TPTE: variants seen among roughly 807,000 people sequenced by gnomAD.
TPTE encodes putative tyrosine-protein phosphatase TPTE.
In TPTE, 59 loss-of-function variants were observed where a neutral mutation model predicts 84.1. The observed-to-expected ratio is 0.70, with a 90% CI of 0.57 to 0.87. TPTE has a LOEUF of 0.87. TPTE is among the 40% of genes least tolerant of loss of function. The pLI is 0.00. For synonymous variants in TPTE, 130 were observed against 223.5 expected, an observed-to-expected ratio of 0.58 and a Z score of 3.73; for missense variants, 382 against 659.6, an observed-to-expected ratio of 0.58 and a Z score of 4.61.
At chr21:10,576,779 G>A (rs1328904201) in intron 14 of TPTE, among the ~76,000 whole-genome samples, 2 of 151,884 alleles carry the variant, frequency 1.3e-5, no homozygotes, top group Non-Finnish European at 2.9e-5. Context: ...TAGTGGTATT[G>A]ATTGTATTTT....
At chr21:10,600,107 AT>A (rs1284058924) in intron 21 of TPTE, among the ~76,000 whole-genome samples, 1 of 100,552 alleles carries the variant, frequency 9.9e-6, no homozygotes, top group Admixed American at 9.2e-5. Flanking sequence ...GCCCGACATT[AT>A]TTGTTGTTGT....
At chr21:10,535,205 A>T (rs1179402762) in intron 3 of TPTE, among the ~76,000 whole-genome samples, 1 of 152,302 alleles carries the variant, frequency 6.6e-6, no homozygotes, top group Non-Finnish European at 1.5e-5. Context: ...ATATGCTTTT[A>T]TAATTCCCCA....
chr21:10,584,296 T>G (rs2075322460), intron 17 of TPTE, among the ~76,000 whole-genome samples: 1 of 152,310 alleles, frequency 6.6e-6, no homozygotes, highest in African/African-American at 2.4e-5. Flanking sequence ...TGCAGTTCAT[T>G]TTATTTATTA....
intron 19 of TPTE, among the ~76,000 whole-genome samples, chr21:10,593,533 A>T: frequency 6.6e-6 from 1 of 152,428 alleles, no homozygotes. Context: ...CAGGATGTTT[A>T]TCCTATAGCA....
At position 10,542,425 on chromosome 21, in the gene TPTE, C is replaced by T. The variant is rs571891150; in HGVS notation, c.96C>T (p.Thr32=). 4.2e-5 allele frequency: 68 copies of T among 1,611,766 alleles called. No individual in the cohort carries two copies. In the East Asian group the frequency reaches 6.0e-4, roughly 14 times the overall value. ...SPQTSEFKGA[T]EEAPAKESPH... is the part of the protein sequence containing the mutation. ...AGACAAGTGAATTTAAAGGAGCAAC[C>T]GAGGAGGCACCTGCGAAAGAAAGGT... Residue 32 remains threonine, a synonymous_variant, in exon 6 of 24, where the codon ACC becomes ACT. Coordinates refer to ENST00000618007, the MANE Select transcript of TPTE (RefSeq NM_199261.4).
At chr21:10,597,517 C>A (rs1485030605) in intron 20 of TPTE, among the ~76,000 whole-genome samples, 1 of 152,182 alleles carries the variant, frequency 6.6e-6, no homozygotes, top group Non-Finnish European at 1.5e-5. Flanking sequence ...CGGGTTCAAG[C>A]AATTCTCCTG....
At chr21:10,560,502 C>T (rs1266688973) in intron 9 of TPTE, among the ~76,000 whole-genome samples, 2 of 152,312 alleles carry the variant, frequency 1.3e-5, no homozygotes, top group African/African-American at 2.4e-5. Context: ...GACTCATGTG[C>T]CCATCACTCT....
intron 6 of TPTE, 82 bp downstream of exon 6, chr21:10,542,530 C>A (rs1262458127): frequency 7.8e-7 from 1 of 1,282,458 alleles, no homozygotes; most frequent in Non-Finnish European, 1.1e-6. Flanking sequence ...GCAAGTATAC[C>A]CCATCCATCC....
intron 15 of TPTE, among the ~76,000 whole-genome samples, chr21:10,578,075 T>C (rs2075195426): frequency 6.6e-6 from 1 of 152,430 alleles, no homozygotes; most frequent in South Asian, 2.1e-4. Context: ...TGAAATAATA[T>C]AATGAATAGT....
intron 3 of TPTE, among the ~76,000 whole-genome samples, chr21:10,529,280 T>C (rs1237115282): frequency 5.9e-5 from 9 of 152,306 alleles, no homozygotes; most frequent in African/African-American, 2.2e-4. Context: ...AAAAGTTCAT[T>C]TGAAGGATAA....
At chr21:10,537,677 CAA>C (rs58515233) in intron 3 of TPTE, among the ~76,000 whole-genome samples, 130 of 109,688 alleles carry the variant, frequency 1.2e-3, no homozygotes, top group African/African-American at 2.2e-3. Context: ...GACTCCCCCT[CAA>C]AAAAAAAAAA....
At chr21:10,567,108 A>AAG in intron 10 of TPTE, among the ~76,000 whole-genome samples, 1 of 36,262 alleles carries the variant, frequency 2.8e-5, no homozygotes, top group African/African-American at 1.7e-4. Flanking sequence ...ATGGGGCTCT[A>AAG]AAAAAAAAAA....
intron 17 of TPTE, among the ~76,000 whole-genome samples, chr21:10,589,829 T>C (rs535716185): frequency 6.6e-6 from 1 of 152,424 alleles, no homozygotes; most frequent in South Asian, 2.1e-4. Context: ...TTCCGGGGAA[T>C]TGCCATTTTC....
intron 7 of TPTE, among the ~76,000 whole-genome samples, chr21:10,552,378 C>A (rs528854512): frequency 9.8e-5 from 15 of 152,400 alleles, no homozygotes; most frequent in South Asian, 8.3e-4. Context: ...TATACATATT[C>A]TTTTATATAT....
chr21:10,546,173 A>G (rs374655932), intron 7 of TPTE, among the ~76,000 whole-genome samples: 110 of 152,384 alleles, frequency 7.2e-4, no homozygotes, highest in African/African-American at 2.5e-3. Context: ...CATTTTAATA[A>G]TTCTTGCAGT....
chr21:10,600,094 G>C (rs7276771), intron 21 of TPTE, among the ~76,000 whole-genome samples: 9,796 of 139,902 alleles, frequency 0.07, no homozygotes, highest in African/African-American at 0.19. Flanking sequence ...CATGAGCCAC[G>C]CTGCCCGACA....
chr21:10,535,744 C>T (rs1248722896), intron 3 of TPTE, among the ~76,000 whole-genome samples: 1 of 152,310 alleles, frequency 6.6e-6, no homozygotes, highest in African/African-American at 2.4e-5. Context: ...TTCATGAAAC[C>T]GTAATGGGTT....
intron 19 of TPTE, among the ~76,000 whole-genome samples, chr21:10,594,615 T>TAACG (rs1331262633): frequency 2.0e-5 from 3 of 152,308 alleles, no homozygotes; most frequent in African/African-American, 7.2e-5. Flanking sequence ...TGGCAGAAGC[T>TAACG]AACGGGATGC....
chr21:10,550,592 A>G (rs1329704886), intron 7 of TPTE, among the ~76,000 whole-genome samples: 1 of 152,312 alleles, frequency 6.6e-6, no homozygotes, highest in African/African-American at 2.4e-5. Flanking sequence ...GCACCTAGAT[A>G]TATAAAGCGA....
Sources: allele counts gnomAD v4.1 joint callset (sites outside exome capture counted in the v4.1 genomes callset), GRCh38; gene constraint gnomAD v4.1.1; transcripts MANE v1.5; gene names NCBI Gene and HGNC (gene_info 2026-07-23, HGNC 2026-07-21).